The following ESRRG variants were observed in gnomAD, a reference collection of about 807,000 sequenced individuals.
ESRRG encodes estrogen related receptor gamma.
In ESRRG, 13 loss-of-function variants were observed where a neutral mutation model predicts 44.0. The observed-to-expected ratio is 0.30, with a 90% CI of 0.19 to 0.47. The LOEUF is 0.47. Ranked by LOEUF, ESRRG falls within the 20% of genes least tolerant of loss-of-function variation. ESRRG has a pLI of 1.00. For synonymous variants in ESRRG, 215 were observed against 214.6 expected (o/e 1.00, Z -0.02); for missense variants, 395 against 580.6 (o/e 0.68, Z 3.29).
chr1:217,028,022 C>T (rs1392540051), intron 1 of ESRRG, among the ~76,000 whole-genome samples: 2 of 152,256 alleles, frequency 1.3e-5, no homozygotes, highest in South Asian at 2.1e-4. Flanking sequence ...TTTCTAGAAA[C>T]TGTCACGAGA....
chr1:217,132,139 T>C (rs1374861390), intron 1 of ESRRG, among the ~76,000 whole-genome samples: 1 of 152,160 alleles, frequency 6.6e-6, no homozygotes, highest in Non-Finnish European at 1.5e-5. Context: ...ATTGCCTTCA[T>C]CTGTCCATGC....
At chr1:217,043,348 C>A (rs953109049) in intron 1 of ESRRG, among the ~76,000 whole-genome samples, 1 of 152,186 alleles carries the variant, frequency 6.6e-6, no homozygotes, top group African/African-American at 2.4e-5. Flanking sequence ...AAGCTTTTCT[C>A]TCCCATTTAC....
chr1:217,025,220 C>G (rs1416533), intron 1 of ESRRG, among the ~76,000 whole-genome samples: 152,177 of 152,318 alleles, frequency 1, 76,018 homozygotes, highest in Non-Finnish European at 1. Flanking sequence ...CTTTTGTTTT[C>G]TGAAAACAAG....
At chr1:217,033,651 A>G (rs554503480) in intron 1 of ESRRG, among the ~76,000 whole-genome samples, 5 of 152,184 alleles carry the variant, frequency 3.3e-5, no homozygotes, top group East Asian at 1.9e-4. Flanking sequence ...TTATATCTCA[A>G]TAAAGCTGTT....
At chr1:216,797,356 A>C (rs2094497924) in intron 2 of ESRRG, among the ~76,000 whole-genome samples, 2 of 152,132 alleles carry the variant, frequency 1.3e-5, no homozygotes, top group South Asian at 4.1e-4. Context: ...GTCATGTTAC[A>C]CTGAGCTGCT....
At chr1:216,560,951 A>G (rs1327146535) in intron 5 of ESRRG, among the ~76,000 whole-genome samples, 4 of 152,156 alleles carry the variant, frequency 2.6e-5, no homozygotes, top group South Asian at 2.1e-4. Flanking sequence ...GTCATTCTTA[A>G]AAAGGGCTAT....
intron 2 of ESRRG, among the ~76,000 whole-genome samples, chr1:216,760,132 C>T (rs914216224): frequency 6.6e-6 from 1 of 152,036 alleles, no homozygotes; most frequent in Non-Finnish European, 1.5e-5. Context: ...TCTTGTTCAA[C>T]ATTGTCTCCC....
intron 2 of ESRRG, among the ~76,000 whole-genome samples, chr1:216,796,817 T>C (rs1366510693): frequency 1.3e-5 from 2 of 152,154 alleles, no homozygotes; most frequent in East Asian, 1.9e-4. Context: ...ATGACACTCT[T>C]TCCCAGTCAC....
At chr1:216,703,508 C>T (rs2081838408) in intron 1 of ESRRG, among the ~76,000 whole-genome samples, 1 of 151,922 alleles carries the variant, frequency 6.6e-6, no homozygotes, top group African/African-American at 2.4e-5. Flanking sequence ...TGAGAAGTAG[C>T]CTGATTTTCA....
At chr1:216,617,607 T>C (rs186789790) in intron 3 of ESRRG, among the ~76,000 whole-genome samples, 4 of 152,194 alleles carry the variant, frequency 2.6e-5, no homozygotes, top group African/African-American at 9.6e-5. Context: ...TCTGCAATGA[T>C]CATATATTGT....
intron 2 of ESRRG, among the ~76,000 whole-genome samples, chr1:216,865,898 T>A (rs796807757): frequency 4.1e-4 from 62 of 152,308 alleles, no homozygotes; most frequent in African/African-American, 1.4e-3. Context: ...TTTCCTATAT[T>A]GTACAAGTTC....
intron 2 of ESRRG, 111 bp from the exon 3 acceptor site, chr1:216,651,200 T>C: frequency 1.4e-6 from 1 of 720,182 alleles, no homozygotes; most frequent in South Asian, 1.6e-5. Flanking sequence ...CCAAAAAATG[T>C]CACATGAGAC....
chr1:216,945,317 G>T (rs1223078194), intron 1 of ESRRG, among the ~76,000 whole-genome samples: 1 of 152,012 alleles, frequency 6.6e-6, no homozygotes, highest in Admixed American at 6.6e-5. Context: ...CTTCAAGCTG[G>T]CTTGAACTGA....
At chr1:216,876,370 T>G (rs2149266792) in intron 2 of ESRRG, among the ~76,000 whole-genome samples, 2 of 152,246 alleles carry the variant, frequency 1.3e-5, no homozygotes, top group South Asian at 4.1e-4. Context: ...AGGAAATATA[T>G]GGGGCTGCCT....
chr1:216,611,760 A>T (rs185390786), intron 3 of ESRRG, among the ~76,000 whole-genome samples: 147 of 145,194 alleles, frequency 1.0e-3, no homozygotes, highest in African/African-American at 1.7e-3. Context: ...GAGGTATGTA[A>T]AAAAAAAAAA....
In ESRRG at chr1:216,560,858, A is replaced by T. The variant is rs960601529; in HGVS notation, c.862+3361T>A. On this transcript the variant is annotated intron_variant, in intron 5 of 6. Coordinates refer to ENST00000408911, the MANE Select transcript of ESRRG (RefSeq NM_001438.4). ...GCGGACGAAATTGAAAGAGAAATAA[A>T]AAAGAGTCAGGCAGATAGGAACCAG... 2.6e-5 allele frequency among the ~76,000 whole-genome samples: 4 copies of T among 152,186 alleles called. No homozygotes were observed. The East Asian group carries it at 7.7e-4, about 29-fold the overall frequency.
intron 1 of ESRRG, among the ~76,000 whole-genome samples, chr1:216,984,133 C>T (rs938567136): frequency 3.9e-5 from 6 of 152,186 alleles, no homozygotes; most frequent in South Asian, 2.1e-4. Flanking sequence ...AGAATTCAAG[C>T]AAATCTTGTG....
chr1:216,937,691 A>G (rs1466837009), intron 2 of ESRRG, among the ~76,000 whole-genome samples: 2 of 152,158 alleles, frequency 1.3e-5, no homozygotes, highest in African/African-American at 4.8e-5. Flanking sequence ...ACACTCTTCA[A>G]CTACTTCCTG....
chr1:216,967,169 G>GC (rs144063779), intron 1 of ESRRG, among the ~76,000 whole-genome samples: 20,775 of 151,666 alleles, frequency 0.14, 1,648 homozygotes, highest in Middle Eastern at 0.25. Context: ...ACACAGCATC[G>GC]CCCCCCCTCC....
Sources: gnomAD v4.1 joint callset for allele counts (sites outside exome capture counted in the v4.1 genomes callset) on GRCh38, gnomAD v4.1.1 for gene constraint, MANE v1.5 for transcripts, NCBI Gene and HGNC (gene_info 2026-07-23, HGNC 2026-07-21) for gene names.